The following GRHL2 variants were observed in gnomAD, a reference collection of about 807,000 sequenced individuals.
The protein encoded by GRHL2 is grainyhead like transcription factor 2.
A neutral mutation model predicts 83.8 loss-of-function variants in GRHL2; 21 were observed. The ratio of observed to expected loss-of-function variants is 0.25; its 90% confidence interval spans 0.18 to 0.36. The LOEUF (loss-of-function observed/expected upper bound fraction) is 0.36. Ranked by LOEUF, GRHL2 falls within the 10% of genes least tolerant of loss-of-function variation. The pLI, the probability that GRHL2 is intolerant of heterozygous loss-of-function variation, is 1.00. For missense variants in GRHL2, 623 were observed against 781.8 expected, an observed-to-expected ratio of 0.80 and a Z score of 2.42; for synonymous variants, 280 against 278.9, an observed-to-expected ratio of 1.00 and a Z score of -0.04.
At chr8:101,633,102 A>G (rs1038010280) in intron 11 of GRHL2, among the ~76,000 whole-genome samples, 1 of 152,230 alleles carries the variant, frequency 6.6e-6, no homozygotes, top group African/African-American at 2.4e-5. Context: ...TCCCAAATAT[A>G]TAACTGAATT....
At chr8:101,663,810 CAGG>C (rs1342822041) in intron 14 of GRHL2, among the ~76,000 whole-genome samples, 3 of 151,666 alleles carry the variant, frequency 2.0e-5, no homozygotes, top group East Asian at 1.9e-4. Flanking sequence ...TCTTGATTTG[CAGG>C]AGTTCTTTTT....
intron 1 of GRHL2, among the ~76,000 whole-genome samples, chr8:101,505,348 C>T (rs947696469): frequency 1.3e-5 from 2 of 152,094 alleles, no homozygotes; most frequent in East Asian, 1.9e-4. Flanking sequence ...GAGGCCGAGG[C>T]GGGTGGATCA....
chr8:101,576,119 A>T (rs1452926192), intron 6 of GRHL2, among the ~76,000 whole-genome samples: 1 of 152,184 alleles, frequency 6.6e-6, no homozygotes, highest in African/African-American at 2.4e-5. Context: ...GCTAAGTTTG[A>T]TGTTAATTGG....
chr8:101,576,362 G>T (rs916267808), intron 6 of GRHL2, among the ~76,000 whole-genome samples: 1 of 150,162 alleles, frequency 6.7e-6, no homozygotes, highest in Non-Finnish European at 1.5e-5. Context: ...CTTCAGACGT[G>T]CACCACCATG....
intron 14 of GRHL2, among the ~76,000 whole-genome samples, chr8:101,655,258 A>G (rs1031833718): frequency 4.6e-5 from 7 of 152,172 alleles, no homozygotes; most frequent in African/African-American, 1.7e-4. Flanking sequence ...CAAGTGCAGC[A>G]GCATGAGAGG....
intron 14 of GRHL2, among the ~76,000 whole-genome samples, chr8:101,652,318 GC>G (rs1481617146): frequency 3.0e-5 from 4 of 135,490 alleles, no homozygotes; most frequent in Non-Finnish European, 4.6e-5. Flanking sequence ...TAGTGTGTGT[GC>G]GTGTGTGTGT....
At chr8:101,598,168 G>A (rs1812434978) in intron 7 of GRHL2, among the ~76,000 whole-genome samples, 1 of 151,428 alleles carries the variant, frequency 6.6e-6, no homozygotes, top group Non-Finnish European at 1.5e-5. Flanking sequence ...ACCAAATAAA[G>A]TCATAAAATA....
intron 4 of GRHL2, among the ~76,000 whole-genome samples, chr8:101,563,371 T>A (rs2130193003): frequency 6.6e-6 from 1 of 152,240 alleles, no homozygotes; most frequent in East Asian, 1.9e-4. Context: ...TTTTTTTTAA[T>A]CTTTCAGGTG....
At chr8:101,500,142 A>G (rs1810194987) in intron 1 of GRHL2, among the ~76,000 whole-genome samples, 1 of 152,136 alleles carries the variant, frequency 6.6e-6, no homozygotes, top group African/African-American at 2.4e-5. Flanking sequence ...AACAAAAAAA[A>G]CTAGGCCTAA....
intron 8 of GRHL2, among the ~76,000 whole-genome samples, chr8:101,611,894 A>G (rs10095196): frequency 0.5 from 75,307 of 150,308 alleles, 21,236 homozygotes; most frequent in African/African-American, 0.72. Context: ...CAGAGGCAGC[A>G]TGCGCTTTCT....
chr8:101,634,223 T>A (rs2130405116), intron 11 of GRHL2, among the ~76,000 whole-genome samples: 1 of 152,152 alleles, frequency 6.6e-6, no homozygotes, highest in South Asian at 2.1e-4. Context: ...GATTTGGAGA[T>A]GAGGGGGTCA....
chr8:101,549,720 A>G (rs144809479), intron 2 of GRHL2, among the ~76,000 whole-genome samples: 1 of 152,184 alleles, frequency 6.6e-6, no homozygotes, highest in Non-Finnish European at 1.5e-5. Flanking sequence ...CTCATTCCTC[A>G]CGTGGGACAT....
chr8:101,626,266 C>G (rs1406860865), intron 9 of GRHL2, among the ~76,000 whole-genome samples: 1 of 151,956 alleles, frequency 6.6e-6, no homozygotes, highest in Non-Finnish European at 1.5e-5. Flanking sequence ...TCTAATTAAT[C>G]AATCAATTAA....
In GRHL2 at chr8:101,668,123, G is replaced by A. The variant is rs182038768; in HGVS notation, c.*1420G>A. 6.6e-6 allele frequency: 1 copy of A among 152,554 alleles called. No individual in the cohort carries two copies. Among genetic ancestry groups the A allele is most frequent in the Admixed American group, 6.5e-5 (1 of 15,308 alleles). The allele number at this position is 152,554 out of a possible 1,614,324, so 9.5% of individuals were successfully genotyped here. ...CTGTGGTCTCCTGCTACATGCCCTG[G>A]GAGCTGGAAGAGAAAAACACTCCCC... On this transcript the variant is annotated 3_prime_UTR_variant, in exon 16 of 16. Coordinates refer to ENST00000646743, the MANE Select transcript of GRHL2 (RefSeq NM_024915.4).
intron 1 of GRHL2, among the ~76,000 whole-genome samples, chr8:101,540,817 T>C (rs1811137331): frequency 6.6e-6 from 1 of 152,186 alleles, no homozygotes; most frequent in Non-Finnish European, 1.5e-5. Flanking sequence ...CATTTTATTT[T>C]ATTTTATTTC....
At chr8:101,598,205 T>C (rs559169433) in intron 7 of GRHL2, among the ~76,000 whole-genome samples, 1 of 151,606 alleles carries the variant, frequency 6.6e-6, no homozygotes, top group South Asian at 2.1e-4. Flanking sequence ...AGACCAACTA[T>C]GATTAACTCA....
intron 11 of GRHL2, 34 bp downstream of exon 11, chr8:101,632,399 C>T: frequency 6.2e-7 from 1 of 1,613,262 alleles, no homozygotes; most frequent in Non-Finnish European, 8.5e-7. Context: ...ACCTCCCATC[C>T]ATCCACAGGG....
chr8:101,628,110 T>C (rs1813115887), intron 9 of GRHL2, among the ~76,000 whole-genome samples: 1 of 152,134 alleles, frequency 6.6e-6, no homozygotes, highest in African/African-American at 2.4e-5. Flanking sequence ...AACAACAGAT[T>C]TTCATTGTAG....
At chr8:101,509,758 C>G (rs187898164) in intron 1 of GRHL2, among the ~76,000 whole-genome samples, 2 of 152,192 alleles carry the variant, frequency 1.3e-5, no homozygotes, top group Admixed American at 1.3e-4. Context: ...GAAGGTTAAA[C>G]TTACTATTTT....
Sources: allele counts gnomAD v4.1 joint callset (sites outside exome capture counted in the v4.1 genomes callset), GRCh38; gene constraint gnomAD v4.1.1; transcripts MANE v1.5; gene names NCBI Gene and HGNC (gene_info 2026-07-23, HGNC 2026-07-21).